The following PPP1R36 variants were observed in gnomAD, a reference collection of about 807,000 sequenced individuals.
PPP1R36 encodes the protein protein phosphatase 1 regulatory subunit 36.
A neutral mutation model predicts 53.4 loss-of-function variants in PPP1R36; 47 were observed. The ratio of observed to expected loss-of-function variants is 0.88; its 90% confidence interval spans 0.70 to 1.12. The LOEUF (loss-of-function observed/expected upper bound fraction) is 1.12, where lower values mean the gene tolerates loss of function less well. Ranked by LOEUF, PPP1R36 falls within the 50% of genes most tolerant of loss-of-function variation. The pLI, the probability that PPP1R36 is intolerant of heterozygous loss-of-function variation, is 0.00. For missense variants in PPP1R36, 456 were observed against 513.9 expected (o/e 0.89, Z 1.09); for synonymous variants, 153 against 170.5 (o/e 0.90, Z 0.80).
chr14:64,550,035 G>A lies in PPP1R36; in HGVS notation c.38G>A (p.Arg13Gln), dbSNP rs1362297481. ...CCCGAGTTTTATGCGAGGAGGAAGC[G>A]GTTAGGTGGGCAGACCCCTTACTTG... ...RVPEFYARRK[R>Q]LGGQTPYLMD... The change falls in exon 1 of 12, where the codon CGG becomes CAG. Residue 13 changes from arginine to glutamine, a missense_variant. Physicochemically the swap from Arg to Gln is conservative, Grantham distance 43. Transcript: ENST00000298705. 1.9e-6 allele frequency: 3 copies of A among 1,573,558 alleles called. No individual in the cohort carries two copies. Among genetic ancestry groups the A allele is most frequent in the African/African-American group, 2.7e-5 (2 of 74,008 alleles).
At chr14:64,580,778 A>G (rs905853082) in intron 8 of PPP1R36, among the ~76,000 whole-genome samples, 3 of 152,242 alleles carry the variant, frequency 2.0e-5, no homozygotes, top group Non-Finnish European at 4.4e-5. Context: ...GCTTTTATGC[A>G]GGAGAAGATG....
chr14:64,555,121 G>A (rs1409737453), intron 3 of PPP1R36, among the ~76,000 whole-genome samples: 7 of 152,228 alleles, frequency 4.6e-5, no homozygotes, highest in East Asian at 1.9e-4. Context: ...CGTTTACCCC[G>A]AGATAACTTT....
Position 64,583,075 on chromosome 14 carries a change from A to ATAT in PPP1R36, c.669-3761_669-3760insATT, listed in dbSNP as rs773808112. 5.6e-3 allele frequency among the ~76,000 whole-genome samples: 745 copies of ATAT among 133,118 alleles called. 4 individuals are homozygous for ATAT. Among genetic ancestry groups the ATAT allele is most frequent in the East Asian group, 0.032 (147 of 4,630 alleles). 87.3% of individuals were successfully genotyped at this position (133,118 alleles called of 152,430 possible). A position where few individuals can be genotyped will look rare whatever the true frequency, so the allele number is the denominator to read the frequency against. On this transcript the variant is annotated intron_variant, in intron 8 of 11. Coordinates refer to ENST00000298705, the MANE Select transcript of PPP1R36 (RefSeq NM_172365.3). The stretch of plus-strand genomic sequence containing the variant: ...CCCAGCTATATATATATATATATAT[A>ATAT]TTTTTTTTTTGTATTTTTGTAGAGA...
intron 3 of PPP1R36, among the ~76,000 whole-genome samples, chr14:64,562,307 A>G (rs1367688595): frequency 6.6e-6 from 1 of 152,154 alleles, no homozygotes; most frequent in Admixed American, 6.5e-5. Context: ...CTAAAAATAC[A>G]AAAATTAGCA....
chr14:64,550,365 A>G, intron 1 of PPP1R36: 1 of 978,548 alleles, frequency 1.0e-6, no homozygotes, highest in Non-Finnish European at 1.3e-6. Context: ...CTGCGGGGGA[A>G]GCAGCCCCGC....
Position 64,589,255 on chromosome 14 carries a change from A to C in PPP1R36, c.1186A>C (p.Met396Leu). The C allele has an allele frequency of 6.2e-7, 1 of 1,614,036 alleles. No individual in the cohort carries two copies. Among genetic ancestry groups the C allele is most frequent in the Non-Finnish European group, 8.5e-7 (1 of 1,179,884 alleles). Residue 396 changes from methionine (M) to leucine (L), a missense_variant, in exon 12 of 12, where the codon ATG (methionine) becomes CTG (leucine). Transcript: ENST00000298705. ...TKSFGRYPSL[M>L]ENNNMRIQDT... Reference sequence around the variant, plus strand: ...ATCATTTGGGAGATATCCTTCCTTGATGGAAAACAATAACATGAGGATTCA... The same window carrying C: ...ATCATTTGGGAGATATCCTTCCTTGCTGGAAAACAATAACATGAGGATTCA...
At chr14:64,570,719 T>TA (rs529017809) in intron 7 of PPP1R36, among the ~76,000 whole-genome samples, 205 of 152,314 alleles carry the variant, frequency 1.3e-3, no homozygotes, top group African/African-American at 4.9e-3. Flanking sequence ...CAGTGTATCT[T>TA]AACCCAGTGC....
At chr14:64,588,014 G>A in intron 10 of PPP1R36, 90 bp from the exon 11 acceptor site, 1 of 1,258,962 alleles carries the variant, frequency 7.9e-7, no homozygotes, top group Non-Finnish European at 1.1e-6. Flanking sequence ...AAAGGGTTGG[G>A]ATTACAGGCA....
At chr14:64,560,103 CAAAAAAAAAAAAAA>C (rs1171697200) in intron 3 of PPP1R36, among the ~76,000 whole-genome samples, 30 of 27,478 alleles carry the variant, frequency 1.1e-3, no homozygotes, top group Middle Eastern at 0.031. Context: ...GAATCTGTCA[CAAAAAAAAAAAAAA>C]AAAAAAAAAA....
chr14:64,562,705 G>A (rs1483444506), intron 3 of PPP1R36, among the ~76,000 whole-genome samples: 1 of 151,928 alleles, frequency 6.6e-6, no homozygotes, highest in Non-Finnish European at 1.5e-5. Context: ...ATTGGCTAAG[G>A]GCAGGCACTA....
intron 7 of PPP1R36, among the ~76,000 whole-genome samples, chr14:64,574,140 G>T (rs1476303527): frequency 6.6e-6 from 1 of 152,152 alleles, no homozygotes; most frequent in Admixed American, 6.6e-5. Flanking sequence ...ACTTTGGGAG[G>T]CCAAGGGGAG....
chr14:64,574,926 G>A (rs78088323), intron 8 of PPP1R36, among the ~76,000 whole-genome samples: 12 of 152,290 alleles, frequency 7.9e-5, no homozygotes, highest in African/African-American at 2.6e-4. Context: ...TGGTGGGGCC[G>A]GTAGTGCAGG....
At chr14:64,571,777 C>CA (rs2080305466) in intron 7 of PPP1R36, among the ~76,000 whole-genome samples, 1 of 152,180 alleles carries the variant, frequency 6.6e-6, no homozygotes, top group Non-Finnish European at 1.5e-5. Flanking sequence ...CTCACAGTTC[C>CA]ACATGGCTGC....
rs1305929978 is a variant in PPP1R36, at chr14:64,568,366, A to G, written c.452A>G (p.Asn151Ser). 16 of 1,515,882 alleles carry G rather than the reference A, an allele frequency of 1.1e-5. No homozygotes were observed. The highest frequency in any genetic ancestry group is 1.4e-5 in the Non-Finnish European group (16 of 1,115,708). 93.9% of individuals were successfully genotyped at this position (1,515,882 alleles called of 1,614,324 possible). The change falls in exon 7 of 12, where the codon AAT (asparagine) becomes AGT (serine). Residue 151 changes from asparagine (N) to serine (S), a missense_variant. Asn to Ser is a conservative substitution (Grantham distance 46, BLOSUM62 1). Transcript: ENST00000298705. ...TTFMRNKNLD[N>S]FLMALLYYLS... The stretch of plus-strand genomic sequence containing the variant: ...CCCCATAGGAATAAGAATCTTGATA[A>G]TTTCCTCATGGCATTATTGTACTAC...
chr14:64,586,783 C>A, intron 8 of PPP1R36, 54 bp from the exon 9 acceptor site: 1 of 1,255,954 alleles, frequency 8.0e-7, no homozygotes, highest in Non-Finnish European at 1.2e-6. Context: ...GGACTAGTAC[C>A]CTGAAAGATT....
chr14:64,571,284 C>A (rs916270073), intron 7 of PPP1R36, among the ~76,000 whole-genome samples: 3 of 152,040 alleles, frequency 2.0e-5, no homozygotes, highest in Non-Finnish European at 2.9e-5. Context: ...TGCTACCATG[C>A]CTGGCTAATT....
chr14:64,587,170 A>G (rs1429794229), intron 9 of PPP1R36, 24 bp from the exon 10 acceptor site: 1 of 1,575,478 alleles, frequency 6.3e-7, no homozygotes, highest in Non-Finnish European at 8.7e-7. Flanking sequence ...AAGGATCGTG[A>G]TTCTTGTCTA....
At chr14:64,578,016 C>A (rs1328064414) in intron 8 of PPP1R36, among the ~76,000 whole-genome samples, 1 of 147,972 alleles carries the variant, frequency 6.8e-6, no homozygotes, top group East Asian at 2.0e-4. Context: ...TGAACCACTG[C>A]ACCTGGCCTT....
chr14:64,555,611 T>C (rs567460120), intron 3 of PPP1R36, among the ~76,000 whole-genome samples: 2 of 152,100 alleles, frequency 1.3e-5, no homozygotes, highest in East Asian at 1.9e-4. Flanking sequence ...AGTCGGGAGG[T>C]TGAGGGGACA....
Sources: allele counts gnomAD v4.1 joint callset (sites outside exome capture counted in the v4.1 genomes callset), GRCh38; gene constraint gnomAD v4.1.1; transcripts MANE v1.5; gene names NCBI Gene and HGNC (gene_info 2026-07-23, HGNC 2026-07-21).